MPP7: variants seen among roughly 807,000 people sequenced by gnomAD.
MPP7 encodes the protein MAGUK p55 scaffold protein 7.
A neutral mutation model predicts 76.5 loss-of-function variants in MPP7; 60 were observed. The observed-to-expected ratio is 0.78, with a 90% CI of 0.64 to 0.97. MPP7 has a LOEUF of 0.97. Ranked by LOEUF, MPP7 falls within the 50% of genes least tolerant of loss-of-function variation. The pLI, the probability that MPP7 is intolerant of heterozygous loss-of-function variation, is 0.00. For synonymous variants in MPP7, 237 were observed against 244.5 expected (o/e 0.97, Z 0.29); for missense variants, 641 against 694.0 (o/e 0.92, Z 0.86).
intron 2 of MPP7, among the ~76,000 whole-genome samples, chr10:28,219,820 C>A (rs1412466619): frequency 6.6e-6 from 1 of 152,050 alleles, no homozygotes; most frequent in Non-Finnish European, 1.5e-5. Context: ...ATAGGATACA[C>A]CAAGCTTTAA....
At chr10:28,230,596 T>C (rs532776444) in intron 2 of MPP7, among the ~76,000 whole-genome samples, 1 of 152,094 alleles carries the variant, frequency 6.6e-6, no homozygotes, top group East Asian at 1.9e-4. Context: ...GGCAGATCAC[T>C]TGAGGTCAGA....
intron 11 of MPP7, chr10:28,118,404 C>A (rs73606066): frequency 1.0e-6 from 1 of 981,340 alleles, no homozygotes; most frequent in Admixed American, 6.1e-5. Context: ...GATCCAGATT[C>A]GAGTATAATT....
intron 1 of MPP7, among the ~76,000 whole-genome samples, chr10:28,297,715 T>C (rs1001469374): frequency 3.3e-5 from 5 of 152,084 alleles, no homozygotes; most frequent in African/African-American, 4.8e-5. Context: ...ATAAAAAAAA[T>C]GAAGTTTGCC....
At chr10:28,213,428 G>A (rs746404332) in intron 2 of MPP7, among the ~76,000 whole-genome samples, 23 of 152,052 alleles carry the variant, frequency 1.5e-4, no homozygotes, top group Admixed American at 4.6e-4. Context: ...AGATTGTTTC[G>A]CTATTTTCAG....
chr10:28,311,784 AC>A (rs199716458), intron 2 of MPP7, among the ~76,000 whole-genome samples: 157 of 152,060 alleles, frequency 1.0e-3, no homozygotes, highest in African/African-American at 3.4e-3. Flanking sequence ...ACACACACAC[AC>A]AAACACTGAG....
chr10:28,220,323 A>G (rs1838458202), intron 2 of MPP7, among the ~76,000 whole-genome samples: 1 of 152,188 alleles, frequency 6.6e-6, no homozygotes, highest in Non-Finnish European at 1.5e-5. Context: ...AAAGCCATAG[A>G]AAAATGAAAA....
At chr10:28,147,640 C>T (rs1835753271) in intron 4 of MPP7, 77 bp from the exon 5 acceptor site, 1 of 1,252,110 alleles carries the variant, frequency 8.0e-7, no homozygotes. Context: ...AACTGAGAAT[C>T]TAACTTGCTC....
intron 2 of MPP7, among the ~76,000 whole-genome samples, chr10:28,310,095 G>C (rs1475844010): frequency 1.3e-5 from 2 of 149,782 alleles, no homozygotes; most frequent in Non-Finnish European, 2.9e-5. Context: ...TCTGCCTCCT[G>C]GGTTCAAGCA....
intron 5 of MPP7, among the ~76,000 whole-genome samples, chr10:28,136,127 C>T (rs547062496): frequency 2.6e-5 from 4 of 151,540 alleles, no homozygotes; most frequent in African/African-American, 7.3e-5. Flanking sequence ...GATGATCTGT[C>T]GCCGTCTCCC....
chr10:28,100,284 T>A (rs996060105), intron 11 of MPP7, among the ~76,000 whole-genome samples: 1 of 152,116 alleles, frequency 6.6e-6, no homozygotes, highest in Non-Finnish European at 1.5e-5. Context: ...ACCAACATAG[T>A]AACATGATCT....
chr10:28,150,761 A>T (rs1437140282), intron 3 of MPP7, among the ~76,000 whole-genome samples: 2 of 152,058 alleles, frequency 1.3e-5, no homozygotes, highest in African/African-American at 4.8e-5. Context: ...AATAAATTTT[A>T]AAAAATTTAG....
intron 4 of MPP7, 85 bp downstream of exon 4, chr10:28,149,897 A>C: frequency 1.1e-6 from 1 of 896,134 alleles, no homozygotes; most frequent in Non-Finnish European, 1.7e-6. Context: ...ATAGGATCAC[A>C]CGCATCTGTC....
chr10:28,297,438 C>T (rs1841060342), intron 1 of MPP7, among the ~76,000 whole-genome samples: 1 of 152,152 alleles, frequency 6.6e-6, no homozygotes, highest in Non-Finnish European at 1.5e-5. Flanking sequence ...GTGGCTCACG[C>T]CTGTAATCCT....
At chr10:28,131,912 C>A (rs1835206908) in intron 5 of MPP7, among the ~76,000 whole-genome samples, 2 of 152,134 alleles carry the variant, frequency 1.3e-5, no homozygotes, top group Non-Finnish European at 2.9e-5. Flanking sequence ...CTCTACTTAG[C>A]AGCCACCTCT....
intron 12 of MPP7, among the ~76,000 whole-genome samples, chr10:28,086,159 G>A (rs1302171372): frequency 6.6e-6 from 1 of 152,118 alleles, no homozygotes; most frequent in Non-Finnish European, 1.5e-5. Flanking sequence ...AGGGGAGGGA[G>A]AGCATTAGGA....
chr10:28,161,578 C>T (rs10508733), intron 3 of MPP7, among the ~76,000 whole-genome samples: 2,166 of 152,160 alleles, frequency 0.014, 21 homozygotes, highest in Middle Eastern at 0.075. Flanking sequence ...TGTAAGAATA[C>T]GGTCCCTAGG....
intron 15 of MPP7, among the ~76,000 whole-genome samples, chr10:28,057,091 A>G (rs573034624): frequency 2.0e-5 from 3 of 152,248 alleles, no homozygotes; most frequent in Admixed American, 2.0e-4. Flanking sequence ...TTGATGTTCT[A>G]TACTCTATAC....
At chr10:28,331,133 A>G (rs1252107051) in intron 1 of MPP7, among the ~76,000 whole-genome samples, 1 of 152,216 alleles carries the variant, frequency 6.6e-6, no homozygotes, top group East Asian at 1.9e-4. Context: ...CTTGGGATCT[A>G]GCATCTAGCA....
At chr10:28,145,072 C>A (rs1236882366) in intron 5 of MPP7, among the ~76,000 whole-genome samples, 1 of 152,146 alleles carries the variant, frequency 6.6e-6, no homozygotes, top group African/African-American at 2.4e-5. Flanking sequence ...CACCACCACA[C>A]CTGGCTAATT....
Sources: allele counts gnomAD v4.1 joint callset (sites outside exome capture counted in the v4.1 genomes callset), GRCh38; gene constraint gnomAD v4.1.1; transcripts MANE v1.5; gene names NCBI Gene and HGNC (gene_info 2026-07-23, HGNC 2026-07-21).